Variants in SOCS7 observed in about 807,000 individuals in gnomAD.
SOCS7 encodes NAP-4.
In SOCS7, 18 loss-of-function variants were observed where a neutral mutation model predicts 58.9. That is an observed-to-expected ratio of 0.31 (90% CI 0.21 to 0.45). The LOEUF (loss-of-function observed/expected upper bound fraction) is 0.45. SOCS7 is among the 20% of genes least tolerant of loss of function. The probability of loss-of-function intolerance (pLI) is 1.00; values close to 1 mark genes in which losing one functional copy is unlikely to be tolerated. For missense variants in SOCS7, 667 were observed against 837.3 expected (o/e 0.80, Z 2.51); for synonymous variants, 388 against 364.3 (o/e 1.06, Z -0.74).
intron 7 of SOCS7, among the ~76,000 whole-genome samples, chr17:38,383,662 A>G (rs1257705808): frequency 2.0e-5 from 3 of 152,038 alleles, no homozygotes; most frequent in Non-Finnish European, 4.4e-5. Flanking sequence ...GGTTCAAGCA[A>G]TTCTCCTGAG....
intron 6 of SOCS7, among the ~76,000 whole-genome samples, chr17:38,372,601 T>C (rs1341888751): frequency 6.6e-6 from 1 of 152,218 alleles, no homozygotes; most frequent in African/African-American, 2.4e-5. Context: ...GGTTCTTGTA[T>C]AGTTTTCATT....
intron 1 of SOCS7, among the ~76,000 whole-genome samples, chr17:38,354,681 T>C (rs1467490181): frequency 1.3e-5 from 2 of 152,214 alleles, no homozygotes; most frequent in East Asian, 3.8e-4. Flanking sequence ...ATGCTCCACT[T>C]ACCAGCACAG....
intron 9 of SOCS7, among the ~76,000 whole-genome samples, chr17:38,398,299 A>AT (rs2038270608): frequency 6.7e-6 from 1 of 149,368 alleles, no homozygotes; most frequent in Non-Finnish European, 1.5e-5. Context: ...CTGGAGTGCA[A>AT]TGGCGTGATC....
chr17:38,387,100 A>ATATATAT (rs1437758226), intron 7 of SOCS7, among the ~76,000 whole-genome samples: 1 of 82,986 alleles, frequency 1.2e-5, no homozygotes, highest in Admixed American at 1.4e-4. Flanking sequence ...AAAAAAAAAA[A>ATATATAT]AAATATATAT....
intron 5 of SOCS7, 132 bp from the exon 6 acceptor site, chr17:38,367,750 G>T (rs1243662500): frequency 1.4e-6 from 1 of 710,256 alleles, no homozygotes; most frequent in Non-Finnish European, 2.4e-6. Flanking sequence ...TGAGACACTT[G>T]TAAGTGGCTT....
chr17:38,384,891 CTTTTTTTTTTTTTT>C (rs71138614), intron 7 of SOCS7, among the ~76,000 whole-genome samples: 2 of 76,640 alleles, frequency 2.6e-5, no homozygotes, highest in Non-Finnish European at 4.8e-5. Context: ...GCACCCAGCT[CTTTTTTTTTTTTTT>C]TTTTTTTTTT....
At chr17:38,397,633 C>G (rs2038261967) in intron 9 of SOCS7, among the ~76,000 whole-genome samples, 1 of 152,246 alleles carries the variant, frequency 6.6e-6, no homozygotes, top group Non-Finnish European at 1.5e-5. Context: ...TGGTTTTCCT[C>G]AAGAGCTTCC....
chr17:38,376,553 G>A (rs960314443), intron 6 of SOCS7, among the ~76,000 whole-genome samples: 5 of 152,090 alleles, frequency 3.3e-5, no homozygotes, highest in Admixed American at 1.3e-4. Flanking sequence ...CCAACGTGGT[G>A]AAACCCTGTC....
At chr17:38,387,127 A>ATG (rs1207391790) in intron 7 of SOCS7, among the ~76,000 whole-genome samples, 56 of 93,496 alleles carry the variant, frequency 6.0e-4, no homozygotes, top group Non-Finnish European at 7.1e-4. Context: ...ATATATATAT[A>ATG]TGTATGTATA....
intron 7 of SOCS7, among the ~76,000 whole-genome samples, chr17:38,389,560 A>G (rs2038123103): frequency 6.6e-6 from 1 of 151,886 alleles, no homozygotes; most frequent in Admixed American, 6.6e-5. Flanking sequence ...AAAGTTCTTT[A>G]TATATTCTGG....
chr17:38,385,567 G>T (rs188124239), intron 7 of SOCS7, among the ~76,000 whole-genome samples: 1 of 151,120 alleles, frequency 6.6e-6, no homozygotes, highest in African/African-American at 2.4e-5. Flanking sequence ...AAATCCTTCC[G>T]TGTGCCCCAT....
intron 6 of SOCS7, among the ~76,000 whole-genome samples, chr17:38,370,704 C>T (rs911192488): frequency 1.3e-5 from 2 of 150,872 alleles, no homozygotes; most frequent in African/African-American, 4.9e-5. Context: ...GGCTAGAGTG[C>T]AATGGCGCGA....
chr17:38,365,978 G>C, intron 4 of SOCS7: 1 of 1,106,052 alleles, frequency 9.0e-7, no homozygotes. Context: ...TTCGAGGTGG[G>C]AGAAGTTGGA....
intron 9 of SOCS7, among the ~76,000 whole-genome samples, chr17:38,398,970 A>G: frequency 6.6e-6 from 1 of 151,958 alleles, no homozygotes; most frequent in East Asian, 1.9e-4. Flanking sequence ...CATGCCTGTA[A>G]TCCCAGCTAC....
chr17:38,362,775 C>A (rs1235461286), intron 2 of SOCS7, among the ~76,000 whole-genome samples: 7 of 152,142 alleles, frequency 4.6e-5, no homozygotes, highest in African/African-American at 1.7e-4. Flanking sequence ...CTTGCGATAC[C>A]ATGTCTTTCT....
At chr17:38,368,199 G>T in intron 6 of SOCS7, 149 bp downstream of exon 6, 1 of 636,772 alleles carries the variant, frequency 1.6e-6, no homozygotes, top group Non-Finnish European at 2.6e-6. Flanking sequence ...TATGAGCGCT[G>T]ATTTCCGTCA....
intron 7 of SOCS7, among the ~76,000 whole-genome samples, chr17:38,390,310 C>G (rs1198205178): frequency 6.6e-6 from 1 of 152,026 alleles, no homozygotes; most frequent in African/African-American, 2.4e-5. Flanking sequence ...TGTCTTGATT[C>G]CTATAGTTTT....
rs2038143219 is a variant in SOCS7, at chr17:38,389,899, A to ATATATATG, written c.1682-5410_1682-5409insTATATATG. ...TATATATATGTACATATATATATATACACATATAGAGAGAGAGAGAGAGAG... is the reference window on the plus strand; with the variant it reads ...TATATATATGTACATATATATATATATATATATGCACATATAGAGAGAGAGAGAGAGAG... On this transcript the variant is annotated intron_variant, in intron 7 of 9. Coordinates refer to ENST00000612932, the MANE Select transcript of SOCS7 (RefSeq NM_014598.4). 9.3e-3 allele frequency among the ~76,000 whole-genome samples: 94 copies of ATATATATG among 10,158 alleles called. 4 individuals carry two copies. The highest frequency in any genetic ancestry group is 0.02 in the African/African-American group (73 of 3,608). The allele number at this position is 10,158 out of a possible 152,430, so 6.7% of individuals were successfully genotyped here. A position where few individuals can be genotyped will look rare whatever the true frequency, so the allele number is the denominator to read the frequency against.
At chr17:38,389,122 G>T (rs2038118071) in intron 7 of SOCS7, among the ~76,000 whole-genome samples, 1 of 152,230 alleles carries the variant, frequency 6.6e-6, no homozygotes, top group Non-Finnish European at 1.5e-5. Context: ...TAGTGAGTAT[G>T]AAGTGGTAGC....
Sources: gnomAD v4.1 joint callset for allele counts (sites outside exome capture counted in the v4.1 genomes callset) on GRCh38, gnomAD v4.1.1 for gene constraint, MANE v1.5 for transcripts, NCBI Gene and HGNC (gene_info 2026-07-23, HGNC 2026-07-21) for gene names.